The following LRP5 variants were observed in gnomAD, a reference collection of about 807,000 sequenced individuals.
LRP5 encodes LDL receptor related protein 5, also known as low-density lipoprotein receptor-related protein 5.
Under a neutral mutation model 154.1 loss-of-function variants are expected in LRP5, and 62 were observed. The observed-to-expected ratio is 0.40, with a 90% CI of 0.33 to 0.50. The LOEUF (loss-of-function observed/expected upper bound fraction) is 0.50, where lower values mean the gene tolerates loss of function less well. LRP5 is among the 20% of genes least tolerant of loss of function. LRP5 has a pLI of 0.55. For missense variants in LRP5, 1,915 were observed against 2,336.7 expected, an observed-to-expected ratio of 0.82 and a Z score of 3.72; for synonymous variants, 966 against 1,011.5, an observed-to-expected ratio of 0.96 and a Z score of 0.85.
In LRP5 at chr11:68,439,778, C is replaced by A. The variant is rs1167225125; in HGVS notation, c.4350C>A (p.Gly1450=). The A allele has an allele frequency of 3.1e-6, 5 of 1,610,538 alleles. No homozygotes were observed. Among genetic ancestry groups the A allele is most frequent in the Non-Finnish European group, 4.2e-6 (5 of 1,179,210 alleles). ...CCTCCCCCGTCCCTTCCCTGCCAGG[C>A]ATCGCATGCGGAAAGTCCATGATGA... ...PGGSQHGPFT[G]IACGKSMMSS... The change falls in exon 21 of 23, where the codon GGC becomes GGA. Residue 1450 remains glycine, a splice_region_variant and synonymous_variant. Transcript: ENST00000294304.
At chr11:68,317,393 C>A (rs751035022) in intron 1 of LRP5, among the ~76,000 whole-genome samples, 1 of 152,210 alleles carries the variant, frequency 6.6e-6, no homozygotes, top group Non-Finnish European at 1.5e-5. Context: ...AGAGCCAGTC[C>A]CCAGCACCCT....
intron 1 of LRP5, among the ~76,000 whole-genome samples, chr11:68,315,468 C>T (rs1005527181): frequency 7.9e-5 from 12 of 152,202 alleles, no homozygotes; most frequent in African/African-American, 2.7e-4. Context: ...TGATTCCAGC[C>T]TGGCCGCTTC....
At chr11:68,314,101 A>G (rs1042211035) in intron 1 of LRP5, among the ~76,000 whole-genome samples, 3 of 152,206 alleles carry the variant, frequency 2.0e-5, no homozygotes, top group Non-Finnish European at 4.4e-5. Context: ...AAACAGCGAC[A>G]GTATCTGGGG....
chr11:68,312,939 C>A, intron 1 of LRP5, 134 bp downstream of exon 1: 1 of 297,648 alleles, frequency 3.4e-6, no homozygotes, highest in Non-Finnish European at 5.0e-6. Context: ...GGGGCGCGCG[C>A]CCGGGATCCC....
At chr11:68,305,079 T>G in the LRP5 span, among the ~76,000 whole-genome samples, 12 of 151,834 alleles carry the variant, frequency 7.9e-5, no homozygotes, top group Non-Finnish European at 1.5e-4. Context: ...TGGAATGATA[T>G]AGTTTGGATA....
At chr11:68,396,048 C>T (rs1008363009) in intron 7 of LRP5, among the ~76,000 whole-genome samples, 2 of 152,004 alleles carry the variant, frequency 1.3e-5, no homozygotes, top group African/African-American at 4.8e-5. Flanking sequence ...GCTGAGTACG[C>T]AGTGTGTGCC....
chr11:68,418,943 T>C (rs1017698036), intron 13 of LRP5, among the ~76,000 whole-genome samples: 5 of 152,210 alleles, frequency 3.3e-5, no homozygotes, highest in African/African-American at 1.2e-4. Flanking sequence ...CGTTCTTTTA[T>C]GGTGTCTGCT....
At chr11:68,346,341 C>G (rs1478665629) in intron 1 of LRP5, among the ~76,000 whole-genome samples, 1 of 152,248 alleles carries the variant, frequency 6.6e-6, no homozygotes, top group Non-Finnish European at 1.5e-5. Context: ...GTGTGTCCTC[C>G]CATCCTGTGG....
intron 1 of LRP5, among the ~76,000 whole-genome samples, chr11:68,342,568 G>A (rs1231575525): frequency 6.6e-6 from 1 of 152,198 alleles, no homozygotes; most frequent in Non-Finnish European, 1.5e-5. Context: ...CCAGGTGGTG[G>A]GAGAGTGATG....
At chr11:68,401,677 C>T (rs1312534044) in intron 7 of LRP5, among the ~76,000 whole-genome samples, 1 of 152,060 alleles carries the variant, frequency 6.6e-6, no homozygotes, top group Non-Finnish European at 1.5e-5. Flanking sequence ...TTCCAGTCCC[C>T]TTCCCGCTCT....
chr11:68,430,798 G>A (rs1015130498), intron 17 of LRP5, among the ~76,000 whole-genome samples: 1 of 152,144 alleles, frequency 6.6e-6, no homozygotes, highest in Non-Finnish European at 1.5e-5. Flanking sequence ...GTGGGAGAGT[G>A]GGGTAGTGAA....
intron 8 of LRP5, chr11:68,403,976 T>A: frequency 1.8e-6 from 1 of 543,622 alleles, no homozygotes; most frequent in Non-Finnish European, 3.3e-6. Context: ...GCCGGGAGCC[T>A]TCGTGCCCAC....
chr11:68,385,586 C>G (rs1225959553), intron 5 of LRP5, among the ~76,000 whole-genome samples: 1 of 152,084 alleles, frequency 6.6e-6, no homozygotes, highest in African/African-American at 2.4e-5. Flanking sequence ...CATCTCGCAC[C>G]TGTGTTGCCT....
intron 9 of LRP5, 137 bp from the exon 10 acceptor site, chr11:68,409,777 G>C (rs149787603): frequency 2.7e-6 from 2 of 734,174 alleles, no homozygotes; most frequent in African/African-American, 1.7e-5. Flanking sequence ...TTGAACCCAG[G>C]GGGCAGAGGT....
chr11:68,300,990 C>T, the LRP5 span, among the ~76,000 whole-genome samples: 16 of 147,774 alleles, frequency 1.1e-4, no homozygotes, highest in African/African-American at 3.4e-4. Context: ...AGTGCAATGA[C>T]GCGATCTCGG....
intron 1 of LRP5, among the ~76,000 whole-genome samples, chr11:68,324,647 C>T (rs188434915): frequency 1.3e-5 from 2 of 152,370 alleles, no homozygotes; most frequent in African/African-American, 4.8e-5. Context: ...AAGGTTTTAT[C>T]CTCTTAAGGA....
chr11:68,328,972 G>T (rs976981134), intron 1 of LRP5, among the ~76,000 whole-genome samples: 1 of 152,182 alleles, frequency 6.6e-6, no homozygotes, highest in Non-Finnish European at 1.5e-5. Context: ...CGTGGGTGGG[G>T]TACCTGAGGG....
intron 7 of LRP5, among the ~76,000 whole-genome samples, chr11:68,393,493 A>G (rs1160212986): frequency 6.6e-6 from 1 of 152,230 alleles, no homozygotes; most frequent in Non-Finnish European, 1.5e-5. Flanking sequence ...ATTTAAAAAA[A>G]TATTCAGCCA....
chr11:68,400,724 G>A (rs180993309), intron 7 of LRP5, among the ~76,000 whole-genome samples: 48 of 151,834 alleles, frequency 3.2e-4, no homozygotes, highest in Admixed American at 1.2e-3. Context: ...GTGAAACTCC[G>A]TCTCAAAAAA....
Sources: gnomAD v4.1 joint callset for allele counts (sites outside exome capture counted in the v4.1 genomes callset) on GRCh38, gnomAD v4.1.1 for gene constraint, MANE v1.5 for transcripts, NCBI Gene and HGNC (gene_info 2026-07-23, HGNC 2026-07-21) for gene names.